The following LMAN1L variants were observed in gnomAD, a reference collection of about 807,000 sequenced individuals.
The protein encoded by LMAN1L is protein ERGIC-53-like.
A neutral mutation model predicts 58.3 loss-of-function variants in LMAN1L; 60 were observed. The observed-to-expected ratio is 1.03, with a 90% CI of 0.84 to 1.27. The LOEUF (loss-of-function observed/expected upper bound fraction) is 1.27, where lower values mean the gene tolerates loss of function less well. Among genes scored for constraint, LMAN1L ranks in the 50% most tolerant of loss-of-function variants. The pLI, the probability that LMAN1L is intolerant of heterozygous loss-of-function variation, is 0.00. For missense variants in LMAN1L, 629 were observed against 674.0 expected (o/e 0.93, Z 0.74); for synonymous variants, 280 against 271.6 (o/e 1.03, Z -0.31).
At position 74,821,906 on chromosome 15, in the gene LMAN1L, G is replaced by A. The variant is rs1256625834; in HGVS notation, c.1131+6G>A. The A allele has an allele frequency of 6.3e-7, 1 of 1,599,378 alleles. No homozygotes were observed. The highest frequency in any genetic ancestry group is 8.6e-7 in the Non-Finnish European group (1 of 1,166,952). ...TCTCCATGTCACTCAATAAGGTAGG[G>A]ACCCAAACACTGGGTGTTGACCAGC... On this transcript the variant is annotated splice_donor_region_variant and intron_variant, in intron 10 of 13. Transcript: ENST00000309664.
chr15:74,815,018 G>A (rs536520314), intron 1 of LMAN1L, among the ~76,000 whole-genome samples: 1 of 152,336 alleles, frequency 6.6e-6, no homozygotes, highest in South Asian at 2.1e-4. Flanking sequence ...GGGAGCAGAG[G>A]CACCTTCTCC....
rs2063908509 is a variant in LMAN1L at position 74,819,817 on chromosome 15, C to A, written c.719-227C>A. 4 of 602,530 alleles carry A rather than the reference C, an allele frequency of 6.6e-6. No individual in the cohort carries two copies. In the East Asian group the frequency reaches 1.1e-4, roughly 17 times the overall value. 37.3% of individuals were successfully genotyped at this position (602,530 alleles called of 1,614,324 possible). ...GATGTTTTGGGATCGTCCAGTTCTG[C>A]CACAGGGGCCTGCCTCTGACTGAGT... On this transcript the variant is annotated intron_variant, in intron 6 of 13. Coordinates refer to ENST00000309664, the MANE Select transcript of LMAN1L (RefSeq NM_021819.3).
At chr15:74,820,205 C>A in intron 7 of LMAN1L, 106 bp downstream of exon 7, 2 of 1,031,582 alleles carry the variant, frequency 1.9e-6, no homozygotes, top group Non-Finnish European at 3.0e-6. Context: ...CTCCACCTGG[C>A]CTCTGAGCTC....
chr15:74,814,369 T>G (rs1200259128), intron 1 of LMAN1L, among the ~76,000 whole-genome samples: 2 of 84,220 alleles, frequency 2.4e-5, no homozygotes, highest in African/African-American at 6.9e-5. Context: ...AATTTTTGTT[T>G]TTGTTTTTGT....
At chr15:74,822,237 G>A (rs535472463) in intron 10 of LMAN1L, among the ~76,000 whole-genome samples, 36 of 152,288 alleles carry the variant, frequency 2.4e-4, no homozygotes, top group African/African-American at 8.4e-4. Context: ...GTGGTGGCAT[G>A]CATCTGTAGT....
chr15:74,821,952 T>G (rs1596380039), intron 10 of LMAN1L, 52 bp downstream of exon 10: 1 of 1,295,220 alleles, frequency 7.7e-7, no homozygotes, highest in Non-Finnish European at 1.1e-6. Flanking sequence ...GCTTGGCTGG[T>G]GCTCTGGGAG....
At chr15:74,823,868 T>C in intron 12 of LMAN1L, 186 bp downstream of exon 12, 1 of 629,216 alleles carries the variant, frequency 1.6e-6, no homozygotes, top group Non-Finnish European at 2.7e-6. Flanking sequence ...ACCACACATC[T>C]CATCTTTTCT....
intron 13 of LMAN1L, 70 bp from the exon 14 acceptor site, chr15:74,825,406 A>G: frequency 6.6e-7 from 1 of 1,526,348 alleles, no homozygotes; most frequent in Non-Finnish European, 8.9e-7. Flanking sequence ...GGCAAGCATG[A>G]GAGTCCTGGT....
At chr15:74,825,070 G>A (rs191442074) in intron 13 of LMAN1L, 52 of 164,266 alleles carry the variant, frequency 3.2e-4, no homozygotes, top group South Asian at 2.2e-3. Context: ...CTGAATGAAC[G>A]TGCACCGTTT....
At chr15:74,824,169 C>T (rs2063930305) in intron 12 of LMAN1L, 182 bp from the exon 13 acceptor site, 2 of 652,640 alleles carry the variant, frequency 3.1e-6, no homozygotes, top group South Asian at 3.8e-5. Flanking sequence ...CAGATGCAGC[C>T]ATGGGAGCTG....
At chr15:74,817,375 TG>T (rs1361276350) in intron 4 of LMAN1L, among the ~76,000 whole-genome samples, 1 of 152,206 alleles carries the variant, frequency 6.6e-6, no homozygotes, top group Non-Finnish European at 1.5e-5. Context: ...AGAGATGAGA[TG>T]GCTTGCCCAA....
chr15:74,821,141 G>GTC lies in LMAN1L; in HGVS notation c.979_980dup (p.Lys328ProfsTer73), dbSNP rs767788116. The GTC allele has an allele frequency of 1.0e-5, 16 of 1,558,310 alleles. No individual in the cohort carries two copies. The highest frequency in any genetic ancestry group is 1.4e-5 in the Non-Finnish European group (16 of 1,151,172). On this transcript the variant is annotated frameshift_variant, in exon 9 of 14. Coordinates refer to ENST00000309664, the MANE Select transcript of LMAN1L (RefSeq NM_021819.3). LOFTEE classifies it high-confidence loss of function. ...CGCCGGATCCTGCAGGCTCTGCGGG[G>GTC]TCTCTCCAAGCAGCTGGCCCAGGCT...
At chr15:74,822,257 T>G (rs536224060) in intron 10 of LMAN1L, among the ~76,000 whole-genome samples, 1 of 152,082 alleles carries the variant, frequency 6.6e-6, no homozygotes, top group Non-Finnish European at 1.5e-5. Flanking sequence ...TCCCAGCTAC[T>G]TGGGAGGCTG....
In LMAN1L at chr15:74,812,852, A is replaced by G; in HGVS notation, c.-3A>G. On this transcript the variant is annotated 5_prime_UTR_variant, in exon 1 of 14. Transcript: ENST00000309664. ...CGGGGCCCAGACTTCAGGCGCCTTC[A>G]CGATGCCGGCGGTCAGTGGTCCAGG... The G allele has an allele frequency of 6.3e-7, 1 of 1,591,304 alleles. No homozygotes were observed. The highest frequency in any genetic ancestry group is 8.6e-7 in the Non-Finnish European group (1 of 1,167,352).
At chr15:74,820,612 G>T (rs749013168) in intron 7 of LMAN1L, 23 bp from the exon 8 acceptor site, 2 of 1,612,652 alleles carry the variant, frequency 1.2e-6, no homozygotes, top group South Asian at 1.1e-5. Context: ...TTTGGGGCCC[G>T]ACTTTCTGTC....
Position 74,820,114 on chromosome 15 carries a change from G to T in LMAN1L, c.774+15G>T, listed in dbSNP as rs779312064. On this transcript the variant is annotated intron_variant, in intron 7 of 13. Coordinates refer to ENST00000309664, the MANE Select transcript of LMAN1L (RefSeq NM_021819.3). ...CCAGCCCAGAGGTGATGCCAGCCCT[G>T]GCCTACCTGGGAATGGCAGCCCAGG... is the stretch of plus-strand genomic sequence containing the variant. 23 of 1,611,914 alleles carry T rather than the reference G, an allele frequency of 1.4e-5. No individual in the cohort carries two copies. The highest frequency in any genetic ancestry group is 1.9e-5 in the Non-Finnish European group (22 of 1,178,088).
At chr15:74,821,677 AGAG>A (rs1258917088) in intron 9 of LMAN1L, 149 bp from the exon 10 acceptor site, 5 of 607,206 alleles carry the variant, frequency 8.2e-6, no homozygotes, top group Non-Finnish European at 1.5e-5. Context: ...GATACTGGGC[AGAG>A]GAGGCCAGCA....
intron 7 of LMAN1L, 152 bp downstream of exon 7, chr15:74,820,251 G>A: frequency 1.4e-6 from 1 of 729,586 alleles, no homozygotes; most frequent in Non-Finnish European, 2.4e-6. Context: ...CAGTGCTGCG[G>A]GCCAGGGCCG....
At chr15:74,813,346 C>T (rs2063874318) in intron 1 of LMAN1L, 1 of 507,244 alleles carries the variant, frequency 2.0e-6, no homozygotes, top group South Asian at 1.5e-5. Flanking sequence ...GACACATGCT[C>T]ACACACTAAG....
Sources: allele counts gnomAD v4.1 joint callset (sites outside exome capture counted in the v4.1 genomes callset), GRCh38; gene constraint gnomAD v4.1.1; transcripts MANE v1.5; gene names NCBI Gene and HGNC (gene_info 2026-07-23, HGNC 2026-07-21).